The following CARNS1 variants were observed in gnomAD, a reference collection of about 807,000 sequenced individuals.
The protein encoded by CARNS1 is carnosine synthase 1, also known as ATP-grasp domain containing 1.
In CARNS1, 61 loss-of-function variants were observed where a neutral mutation model predicts 74.0. That is an observed-to-expected ratio of 0.82 (90% confidence interval 0.67 to 1.02). CARNS1 has a LOEUF of 1.02. Among genes scored for constraint, CARNS1 ranks in the 50% least tolerant of loss-of-function variants. CARNS1 has a pLI of 0.00. For missense variants in CARNS1, 1,278 were observed against 1,308.4 expected (o/e 0.98, Z 0.36); for synonymous variants, 568 against 605.5 (o/e 0.94, Z 0.91).
chr11:67,419,444 C>G lies in CARNS1; in HGVS notation c.853-43C>G, dbSNP rs772082329. 1.9e-5 allele frequency: 30 copies of G among 1,598,614 alleles called. No individual in the cohort carries two copies. In the Middle Eastern group the frequency reaches 1.3e-3, roughly 70 times the overall value. On this transcript the variant is annotated intron_variant, in intron 5 of 9. Coordinates refer to ENST00000687366, the MANE Select transcript of CARNS1 (RefSeq NM_001166222.2). ...GCGGAAGTGCCCCACCCTGCAGTAC[C>G]TGGGGTGGTGTCCAGGAGGCCCCTT...
In CARNS1 at chr11:67,418,487, C is replaced by T. The variant is rs1863604921; in HGVS notation, c.331C>T (p.Pro111Ser). The T allele has an allele frequency of 1.3e-6, 2 of 1,509,258 alleles. No individual in the cohort carries two copies. The highest frequency in any genetic ancestry group is 1.4e-5 in the African/African-American group (1 of 71,400). 93.5% of individuals were successfully genotyped at this position (1,509,258 alleles called of 1,614,324 possible). ...CVLGSPSTFLPVLLEGGVQSP... is the reference protein window; with the variant it reads ...CVLGSPSTFLSVLLEGGVQSP... ...TCTGGGCTCCCCCAGCACCTTTCTG[C>T]CTGTGCTGCTGGAGGGTGGGGTCCA... is the stretch of plus-strand genomic sequence containing the variant. The change falls in exon 4 of 10, where the codon CCT (proline) becomes TCT (serine). Residue 111 changes from proline (P) to serine (S), a missense_variant. Around this residue, in one of 3 missense-constraint regions of CARNS1, gnomAD observed 1,164 missense variants for 1,156.5 expected, o/e 1.01. Transcript: ENST00000687366.
rs1178791347 is a variant in CARNS1, at chr11:67,423,453, C to T, written c.1705C>T (p.His569Tyr). ...CTTCATCCACTTTGACATGACAGAG[C>T]ACCGGAGGGATGAGGAGAACGCACG... ...QTFIHFDMTE[H>Y]RRDEENARLL... is the part of the protein sequence containing the mutation. Residue 569 changes from histidine to tyrosine, a missense_variant, in exon 10 of 10, where the codon CAC (histidine) becomes TAC (tyrosine). Coordinates refer to ENST00000687366, the MANE Select transcript of CARNS1 (RefSeq NM_001166222.2). This position sits in a 1 kb window ranked among gnomAD's most constrained non-coding sequence, Gnocchi z 5.1. 1.6e-5 allele frequency: 26 copies of T among 1,613,920 alleles called. No homozygotes were observed. The highest frequency in any genetic ancestry group is 1.7e-5 in the Non-Finnish European group (20 of 1,179,902).
In CARNS1 at chr11:67,419,629, C is replaced by T; in HGVS notation, c.995C>T (p.Ala332Val). Residue 332 changes from alanine (A) to valine (V), a missense_variant, in exon 6 of 10, where the codon GCT (alanine) becomes GTT (valine). Physicochemically the swap from Ala to Val is moderately conservative, Grantham distance 64 (BLOSUM62 0). Around this residue, in one of 3 missense-constraint regions of CARNS1, gnomAD observed 1,164 missense variants for 1,156.5 expected, o/e 1.01. Coordinates refer to ENST00000687366, the MANE Select transcript of CARNS1 (RefSeq NM_001166222.2). The part of the protein sequence containing the change: ...LEEEESVLVE[A>V]VYPPAQLPCS... ...GAGGAGGAGAGTGTCCTGGTGGAGG[C>T]TGTGTACCCACCTGCCCAGCTGCCC... 6.2e-7 allele frequency: 1 copy of T among 1,600,608 alleles called. No homozygotes were observed. Among genetic ancestry groups the T allele is most frequent in the East Asian group, 2.3e-5 (1 of 44,322 alleles).
intron 7 of CARNS1, among the ~76,000 whole-genome samples, 189 bp downstream of exon 7, chr11:67,420,027 C>T (rs906379052): frequency 3.9e-5 from 6 of 152,160 alleles, no homozygotes; most frequent in Non-Finnish European, 8.8e-5. Flanking sequence ...TTCCAGAATC[C>T]CTCCCACACC....
chr11:67,415,879 C>T (rs1011200871), intron 1 of CARNS1, 116 bp downstream of exon 1: 5 of 240,510 alleles, frequency 2.1e-5, no homozygotes, highest in East Asian at 9.5e-5. Flanking sequence ...CTCGACGCTA[C>T]GCCCCCCACC....
chr11:67,420,772 T>TGCTGGG lies in CARNS1; in HGVS notation c.1282_1283insGGCTGG (p.Leu427_Ala428insGlyLeu). The TGCTGGG allele has an allele frequency of 8.1e-7, 1 of 1,239,854 alleles. No individual in the cohort carries two copies. Among genetic ancestry groups the TGCTGGG allele is most frequent in the Non-Finnish European group, 1.0e-6 (1 of 994,686 alleles). 76.8% of individuals were successfully genotyped at this position (1,239,854 alleles called of 1,614,324 possible). A position where few individuals can be genotyped will look rare whatever the true frequency, so the allele number is the denominator to read the frequency against. ...GCGGCCGAGGCCGCGCTGGCCGCCG[T>TGCTGGG]GCTGGCTCTGGAGGCCGGCCTGAGT... On this transcript the variant is annotated inframe_insertion, in exon 8 of 10. Transcript: ENST00000687366.
chr11:67,420,640 C>T lies in CARNS1; in HGVS notation c.1145C>T (p.Pro382Leu), dbSNP rs12786101. The part of the protein sequence containing the change: ...VVCGVGRGDR[P>L]LRHHNSLPRT... ...TGCGGCGTGGGCCGCGGGGACCGCC[C>T]TCTACGGCACCACAACTCCCTGCCG... The change falls in exon 8 of 10, where the codon CCT becomes CTT. Residue 382 changes from proline (P) to leucine (L), a missense_variant. This residue lies in a region of CARNS1 where 1,164 missense variants were observed against 1,156.5 expected (regional missense o/e 1.01). Transcript: ENST00000687366. 51 of 1,244,244 alleles carry T rather than the reference C, an allele frequency of 4.1e-5. No individual in the cohort carries two copies. Among genetic ancestry groups the T allele is most frequent in the Middle Eastern group, 6.1e-4 (2 of 3,300 alleles). 77.1% of individuals were successfully genotyped at this position (1,244,244 alleles called of 1,614,324 possible).
intron 7 of CARNS1, 31 bp from the exon 8 acceptor site, chr11:67,420,578 T>G: frequency 1.3e-5 from 16 of 1,201,820 alleles, no homozygotes; most frequent in Non-Finnish European, 1.7e-5. Context: ...AGGGAGTGTG[T>G]GGGCCTCCCC....
intron 8 of CARNS1, 43 bp downstream of exon 8, chr11:67,420,883 A>AG: frequency 7.7e-7 from 1 of 1,305,536 alleles, no homozygotes; most frequent in Non-Finnish European, 9.7e-7. Context: ...GCCGAGGGCC[A>AG]GGGGCTGGAG....
chr11:67,416,370 G>C (rs1863544995), intron 2 of CARNS1, 168 bp downstream of exon 2: 3 of 1,454,378 alleles, frequency 2.1e-6, no homozygotes, highest in Non-Finnish European at 2.7e-6. Flanking sequence ...CATCCTGGGA[G>C]GTGGGCACTC....
At position 67,419,618 on chromosome 11, in the gene CARNS1, C is replaced by T. The variant is rs763953799; in HGVS notation, c.984C>T (p.Val328=). ...LLEKLEEEES[V]LVEAVYPPAQ... is the part of the protein sequence containing the mutation. ...AGAAGCTGGAGGAGGAGGAGAGTGT[C>T]CTGGTGGAGGCTGTGTACCCACCTG... is the stretch of plus-strand genomic sequence containing the variant. Residue 328 remains valine, a synonymous_variant, in exon 6 of 10, where the codon GTC becomes GTT. Transcript: ENST00000687366. The T allele has an allele frequency of 1.2e-6, 2 of 1,602,466 alleles. No individual in the cohort carries two copies. Among genetic ancestry groups the T allele is most frequent in the Non-Finnish European group, 1.7e-6 (2 of 1,175,910 alleles).
chr11:67,416,462 G>A lies in CARNS1; in HGVS notation c.3+260G>A, dbSNP rs1477179714. ...GAGACGGCACAGAGGCTCTGGCCCT[G>A]GCAAACTGGGATTCGAGCCCAGGCA... On this transcript the variant is annotated intron_variant, in intron 2 of 9. Transcript: ENST00000687366. 5.3e-6 allele frequency: 7 copies of A among 1,328,812 alleles called. No individual in the cohort carries two copies. The East Asian group carries it at 2.0e-4, about 37-fold the overall frequency. The allele number at this position is 1,328,812 out of a possible 1,614,324, so 82.3% of individuals were successfully genotyped here.
chr11:67,416,026 T>G, intron 1 of CARNS1, 150 bp from the exon 2 acceptor site: 2 of 651,722 alleles, frequency 3.1e-6, no homozygotes, highest in Non-Finnish European at 2.8e-6. Flanking sequence ...CTCCCTACCT[T>G]CGGGGTGGGG....
chr11:67,421,019 G>A lies in CARNS1; in HGVS notation c.1426G>A (p.Ala476Thr). The change falls in exon 9 of 10, where the codon GCG becomes ACG. Residue 476 changes from alanine to threonine, a missense_variant. Ala to Thr is a moderately conservative substitution (Grantham distance 58). Transcript: ENST00000687366. Reference protein sequence around the residue: ...LELNGGLCLEACGALEGLWAA... With the variant: ...LELNGGLCLETCGALEGLWAA... ...GCTGAACGGCGGCCTGTGTCTGGAGGCGTGCGGCGCGCTGGAGGGGCTGTG... is the reference window on the plus strand; with the variant it reads ...GCTGAACGGCGGCCTGTGTCTGGAGACGTGCGGCGCGCTGGAGGGGCTGTG... 7.3e-7 allele frequency: 1 copy of A among 1,377,782 alleles called. No homozygotes were observed. Among genetic ancestry groups the A allele is most frequent in the Non-Finnish European group, 9.3e-7 (1 of 1,072,400 alleles). 85.3% of individuals were successfully genotyped at this position (1,377,782 alleles called of 1,614,324 possible). A position where few individuals can be genotyped will look rare whatever the true frequency, so the allele number is the denominator to read the frequency against.
rs948837768 is a variant in CARNS1 at position 67,425,005 on chromosome 11, C to T, written c.*404C>T. ...ACAAGAGGAGAGGACCTGGCTGGGCCCCAAGCCTTGGACAAATCCTGGGAA... is the reference window on the plus strand; with the variant it reads ...ACAAGAGGAGAGGACCTGGCTGGGCTCCAAGCCTTGGACAAATCCTGGGAA... On this transcript the variant is annotated 3_prime_UTR_variant, in exon 10 of 10. Coordinates refer to ENST00000687366, the MANE Select transcript of CARNS1 (RefSeq NM_001166222.2). 1.2e-5 allele frequency: 6 copies of T among 485,066 alleles called. No homozygotes were observed. The highest frequency in any genetic ancestry group is 2.4e-5 in the Non-Finnish European group (6 of 246,944). The allele number at this position is 485,066 out of a possible 1,614,324, so 30.0% of individuals were successfully genotyped here.
At position 67,420,715 on chromosome 11, in the gene CARNS1, A is replaced by T. The variant is rs2135090325; in HGVS notation, c.1220A>T (p.Gln407Leu). 2 of 1,264,932 alleles carry T rather than the reference A, an allele frequency of 1.6e-6. No individual in the cohort carries two copies. Among genetic ancestry groups the T allele is most frequent in the Middle Eastern group, 3.0e-4 (1 of 3,326 alleles). 78.4% of individuals were successfully genotyped at this position (1,264,932 alleles called of 1,614,324 possible). A position where few individuals can be genotyped will look rare whatever the true frequency, so the allele number is the denominator to read the frequency against. ...CAGTGCGGCCTGGGCGAGGAGGCGCAGGTGGCGGCTGTGCGGCAGCGCGTC... is the reference window on the plus strand; with the variant it reads ...CAGTGCGGCCTGGGCGAGGAGGCGCTGGTGGCGGCTGTGCGGCAGCGCGTC... ...LAQCGLGEEAQVAAVRQRVKA... is the reference protein window; with the variant it reads ...LAQCGLGEEALVAAVRQRVKA... Residue 407 changes from glutamine (Q) to leucine (L), a missense_variant, in exon 8 of 10, where the codon CAG becomes CTG. This residue lies in a region of CARNS1 where 1,164 missense variants were observed against 1,156.5 expected (regional missense o/e 1.01). Coordinates refer to ENST00000687366, the MANE Select transcript of CARNS1 (RefSeq NM_001166222.2).
At chr11:67,417,845 CA>C (rs1863586183) in intron 3 of CARNS1, among the ~76,000 whole-genome samples, 168 bp downstream of exon 3, 1 of 152,154 alleles carries the variant, frequency 6.6e-6, no homozygotes. Context: ...ACATTGTTTG[CA>C]AGGGCATCTG....
intron 9 of CARNS1, 39 bp downstream of exon 9, chr11:67,421,258 G>A (rs1204665789): frequency 2.8e-6 from 4 of 1,426,488 alleles, no homozygotes; most frequent in South Asian, 1.4e-5. Context: ...CCCAGGTCCT[G>A]GCCCGAGTGG....
chr11:67,417,126 G>A (rs1863563017), intron 2 of CARNS1: 3 of 1,185,014 alleles, frequency 2.5e-6, no homozygotes, highest in South Asian at 4.3e-5. Flanking sequence ...AAGCTAAGGC[G>A]GAGCCCAGCA....
Sources: allele counts gnomAD v4.1 joint callset (sites outside exome capture counted in the v4.1 genomes callset), GRCh38; gene constraint gnomAD v4.1.1; regional missense constraint gnomAD v4.1.1; non-coding constraint Gnocchi (gnomAD v3.1); transcripts MANE v1.5; gene names NCBI Gene and HGNC (gene_info 2026-07-23, HGNC 2026-07-21).